Variants in BMERB1 observed in about 807,000 individuals in gnomAD.
The protein encoded by BMERB1 is bMERB domain-containing protein 1.
In BMERB1, 12 loss-of-function variants were observed where a neutral mutation model predicts 23.6. The observed-to-expected ratio is 0.51, with a 90% CI of 0.33 to 0.82. The LOEUF is 0.82. Ranked by LOEUF, BMERB1 falls within the 40% of genes least tolerant of loss-of-function variation. BMERB1 has a pLI of 0.03. For synonymous variants in BMERB1, 122 were observed against 96.6 expected, an observed-to-expected ratio of 1.26 and a Z score of -1.54; for missense variants, 247 against 255.4, an observed-to-expected ratio of 0.97 and a Z score of 0.22.
intron 1 of BMERB1, among the ~76,000 whole-genome samples, chr16:15,490,007 C>G (rs2051405755): frequency 1.3e-5 from 2 of 152,074 alleles, no homozygotes; most frequent in Non-Finnish European, 2.9e-5. Context: ...GCTGGGACTA[C>G]AGGCGCCCGC....
intron 3 of BMERB1, among the ~76,000 whole-genome samples, chr16:15,573,479 A>G (rs775252501): frequency 9.9e-5 from 15 of 152,090 alleles, no homozygotes; most frequent in Middle Eastern, 6.8e-3. Flanking sequence ...TGGGTCGGAG[A>G]TGAAATCACA....
intron 2 of BMERB1, among the ~76,000 whole-genome samples, chr16:15,527,585 A>G (rs1223268251): frequency 6.6e-6 from 1 of 152,214 alleles, no homozygotes; most frequent in African/African-American, 2.4e-5. Flanking sequence ...AGCTCAGGCT[A>G]CAGAGTGAGA....
chr16:15,586,351 C>T (rs2031141044), intron 5 of BMERB1, among the ~76,000 whole-genome samples: 2 of 151,964 alleles, frequency 1.3e-5, no homozygotes, highest in South Asian at 2.1e-4. Context: ...AAATATGAGC[C>T]CTCAGATTGA....
Position 15,531,009 on chromosome 16 carries a change from AATT to A in BMERB1, c.230+15585_230+15587del, listed in dbSNP as rs2051962279. Among the ~76,000 whole-genome samples the A allele has an allele frequency of 2.0e-5, 3 of 149,766 alleles. No individual in the cohort carries two copies. In the Admixed American group the frequency reaches 2.0e-4, roughly 10 times the overall value. ...CAACCACCACCTCCCGGGTTCAAGCAATTATTCGCCTCAGCCTCCCAAGTAACT... is the reference window on the plus strand; with the variant it reads ...CAACCACCACCTCCCGGGTTCAAGCAATTCGCCTCAGCCTCCCAAGTAACT... On this transcript the variant is annotated intron_variant, in intron 2 of 5. Coordinates refer to ENST00000300006, the MANE Select transcript of BMERB1 (RefSeq NM_033201.3).
chr16:15,509,449 A>G (rs1185310780), intron 1 of BMERB1, among the ~76,000 whole-genome samples: 6 of 152,146 alleles, frequency 3.9e-5, no homozygotes, highest in Non-Finnish European at 8.8e-5. Context: ...CATCTCAGTA[A>G]AATAGAGATT....
chr16:15,493,283 C>T (rs758353613), intron 1 of BMERB1, among the ~76,000 whole-genome samples: 9 of 152,046 alleles, frequency 5.9e-5, no homozygotes, highest in African/African-American at 9.7e-5. Context: ...ACCCAGGAGG[C>T]GGAGGTTGCA....
At chr16:15,565,497 T>G (rs1018230102) in intron 2 of BMERB1, among the ~76,000 whole-genome samples, 2 of 152,348 alleles carry the variant, frequency 1.3e-5, no homozygotes. Context: ...GGGCTTGGTC[T>G]TCTTTGCTGT....
chr16:15,435,958 T>C (rs1368430113), intron 1 of BMERB1, among the ~76,000 whole-genome samples: 1 of 152,134 alleles, frequency 6.6e-6, no homozygotes, highest in Admixed American at 6.6e-5. Flanking sequence ...CCTTGGTCTT[T>C]CTTTCTAGTT....
chr16:15,566,055 C>T (rs2030554201), intron 2 of BMERB1, among the ~76,000 whole-genome samples: 1 of 152,090 alleles, frequency 6.6e-6, no homozygotes, highest in African/African-American at 2.4e-5. Context: ...CCTGCAGTGG[C>T]CAAAATTGCT....
intron 1 of BMERB1, among the ~76,000 whole-genome samples, chr16:15,453,475 G>A (rs1328332799): frequency 6.6e-6 from 1 of 152,052 alleles, no homozygotes; most frequent in Admixed American, 6.6e-5. Context: ...TTAGCTACTT[G>A]GGAGGCCAAG....
intron 1 of BMERB1, among the ~76,000 whole-genome samples, chr16:15,454,016 G>C (rs2051064123): frequency 6.6e-6 from 1 of 151,806 alleles, no homozygotes; most frequent in Non-Finnish European, 1.5e-5. Context: ...GTTTCTCAAG[G>C]AGAGACAAGT....
rs35544766 is a variant in BMERB1 at position 15,451,552 on chromosome 16, C to CTTT, written c.106+16815_106+16817dup. Among the ~76,000 whole-genome samples the CTTT allele has an allele frequency of 3.9e-3, 324 of 84,016 alleles. 3 individuals are homozygous for CTTT. The highest frequency in any genetic ancestry group is 4.9e-3 in the Non-Finnish European group (213 of 43,142). The allele number at this position is 84,016 out of a possible 152,430, so 55.1% of individuals were successfully genotyped here. On this transcript the variant is annotated intron_variant, in intron 1 of 5. Transcript: ENST00000300006. ...ACATACTGGGTCACTCTTAGTATTT[C>CTTT]TTTTTTTTTTTTTTTTTTTTTTTTG...
chr16:15,495,617 C>T (rs917764668), intron 1 of BMERB1, among the ~76,000 whole-genome samples: 4 of 152,232 alleles, frequency 2.6e-5, no homozygotes, highest in Non-Finnish European at 5.9e-5. Context: ...CTGCCCACCT[C>T]GGCCTCCCGA....
intron 1 of BMERB1, among the ~76,000 whole-genome samples, chr16:15,504,700 C>T (rs1480805450): frequency 6.6e-6 from 1 of 151,944 alleles, no homozygotes; most frequent in African/African-American, 2.4e-5. Flanking sequence ...TGATCCTCTT[C>T]CCTCAGCCTT....
rs548252887 is a variant in BMERB1, at chr16:15,451,554, T to C, written c.106+16795T>C. 5.7e-3 allele frequency among the ~76,000 whole-genome samples: 751 copies of C among 132,204 alleles called. 2 individuals carry two copies. The highest frequency in any genetic ancestry group is 0.02 in the African/African-American group (710 of 34,674). 86.7% of individuals were successfully genotyped at this position (132,204 alleles called of 152,430 possible). A position where few individuals can be genotyped will look rare whatever the true frequency, so the allele number is the denominator to read the frequency against. On this transcript the variant is annotated intron_variant, in intron 1 of 5. Transcript: ENST00000300006. ...ATACTGGGTCACTCTTAGTATTTCT[T>C]TTTTTTTTTTTTTTTTTTTTTTGAG...
At chr16:15,437,694 C>T (rs907349139) in intron 1 of BMERB1, among the ~76,000 whole-genome samples, 1 of 152,178 alleles carries the variant, frequency 6.6e-6, no homozygotes, top group East Asian at 1.9e-4. Flanking sequence ...CGCATTGGCT[C>T]ACGCCTGCAA....
chr16:15,508,068 G>C (rs1425175208), intron 1 of BMERB1, among the ~76,000 whole-genome samples: 2 of 152,170 alleles, frequency 1.3e-5, no homozygotes, highest in Non-Finnish European at 2.9e-5. Flanking sequence ...GAGTAAGAGA[G>C]ATCTTGTTTT....
chr16:15,445,093 A>G (rs220086), intron 1 of BMERB1, among the ~76,000 whole-genome samples: 19,236 of 152,034 alleles, frequency 0.13, 1,606 homozygotes, highest in Admixed American at 0.21. Context: ...GGGTCTTGGT[A>G]TGTTGCCCAG....
At chr16:15,540,764 A>T (rs1860345789) in intron 2 of BMERB1, among the ~76,000 whole-genome samples, 1 of 152,196 alleles carries the variant, frequency 6.6e-6, no homozygotes, top group African/African-American at 2.4e-5. Flanking sequence ...TCTGTGTCCC[A>T]GCGGAGATGC....
Sources: allele counts gnomAD v4.1 joint callset (sites outside exome capture counted in the v4.1 genomes callset), GRCh38; gene constraint gnomAD v4.1.1; transcripts MANE v1.5; gene names NCBI Gene and HGNC (gene_info 2026-07-23, HGNC 2026-07-21).